The following TRPM3 variants were observed in gnomAD, a reference collection of about 807,000 sequenced individuals.
TRPM3 encodes transient receptor potential cation channel subfamily M member 3.
In TRPM3, 77 loss-of-function variants were observed where a neutral mutation model predicts 181.2. The observed-to-expected ratio is 0.42, with a 90% confidence interval of 0.35 to 0.51. The LOEUF is 0.51. Ranked by LOEUF, TRPM3 falls within the 20% of genes least tolerant of loss-of-function variation. The pLI, the probability that TRPM3 is intolerant of heterozygous loss-of-function variation, is 0.01. For missense variants in TRPM3, 1,759 were observed against 2,196.7 expected (o/e 0.80, Z 3.98); for synonymous variants, 745 against 796.4 (o/e 0.94, Z 1.09).
chr9:70,863,584 T>A (rs2095573046), intron 2 of TRPM3, among the ~76,000 whole-genome samples: 1 of 152,190 alleles, frequency 6.6e-6, no homozygotes, highest in Non-Finnish European at 1.5e-5. Flanking sequence ...AATTGACATT[T>A]GCTGTCAAAT....
At chr9:71,125,937 C>T (rs535451188), upstream of TRPM3, among the ~76,000 whole-genome samples, 26 of 152,206 alleles carry the variant, frequency 1.7e-4, no homozygotes, top group East Asian at 1.7e-3. Flanking sequence ...AACAGACAAC[C>T]TACAGAATGG....
intron 5 of TRPM3, among the ~76,000 whole-genome samples, chr9:70,839,908 T>A (rs888599592): frequency 1.3e-5 from 2 of 152,156 alleles, no homozygotes; most frequent in African/African-American, 4.8e-5. Flanking sequence ...ATTTTTATTA[T>A]ATAAAATGGA....
intron 1 of TRPM3, among the ~76,000 whole-genome samples, chr9:71,079,944 G>A (rs1372785155): frequency 2.6e-5 from 4 of 152,122 alleles, no homozygotes; most frequent in African/African-American, 7.2e-5. Context: ...GCCAAGGCGG[G>A]CAGATCACCT....
chr9:71,284,572 G>A (rs2085121022), intron 1 of TRPM3, among the ~76,000 whole-genome samples: 2 of 152,124 alleles, frequency 1.3e-5, no homozygotes, highest in African/African-American at 4.8e-5. Flanking sequence ...AAGTGGTGAG[G>A]TCACACATTT....
chr9:70,635,300 C>T (rs751175984), intron 11 of TRPM3, 39 bp from the exon 12 acceptor site: 15 of 1,598,576 alleles, frequency 9.4e-6, no homozygotes, highest in African/African-American at 1.3e-5. Context: ...TTTTGCTAGT[C>T]AGGGGCTCTG....
chr9:70,980,712 C>T (rs1368639736), intron 1 of TRPM3, among the ~76,000 whole-genome samples: 3 of 152,208 alleles, frequency 2.0e-5, no homozygotes, highest in Non-Finnish European at 4.4e-5. Context: ...CCAACACATA[C>T]TGTCTTTAAC....
At chr9:70,905,744 C>CTT (rs35625466) in intron 1 of TRPM3, among the ~76,000 whole-genome samples, 11 of 146,506 alleles carry the variant, frequency 7.5e-5, no homozygotes, top group Admixed American at 6.9e-5. Flanking sequence ...AAAGTCGTTT[C>CTT]TTTTTTTTTT....
chr9:70,995,995 T>C (rs865889786), intron 1 of TRPM3, among the ~76,000 whole-genome samples: 10 of 152,282 alleles, frequency 6.6e-5, no homozygotes, highest in Middle Eastern at 3.4e-3. Flanking sequence ...ATTTTTGAAA[T>C]TGGCTTGGGT....
At chr9:70,863,196 T>G in intron 2 of TRPM3, 84 bp from the exon 3 acceptor site, 23 of 1,185,528 alleles carry the variant, frequency 1.9e-5, no homozygotes, top group Non-Finnish European at 2.4e-5. Context: ...GAGAAATCTA[T>G]AGTCTGTGCC....
intron 1 of TRPM3, among the ~76,000 whole-genome samples, chr9:71,133,326 C>CTTTT (rs1313411430): frequency 2.1e-5 from 1 of 47,420 alleles, no homozygotes; most frequent in African/African-American, 6.6e-5. Context: ...CAGAGTTTTG[C>CTTTT]TCTTGTTGCC....
At chr9:70,554,708 T>G (rs2047239012) in intron 22 of TRPM3, among the ~76,000 whole-genome samples, 1 of 152,060 alleles carries the variant, frequency 6.6e-6, no homozygotes, top group African/African-American at 2.4e-5. Context: ...GCTGGAAAAA[T>G]TATGTAATTT....
rs565194138 is a variant in TRPM3, at chr9:70,618,515, A to G, written c.2358+352T>C. Among the ~76,000 whole-genome samples, 877 of 152,336 alleles carry G rather than the reference A, an allele frequency of 5.8e-3. 8 individuals are homozygous for G. The highest frequency in any genetic ancestry group is 0.019 in the African/African-American group (793 of 41,586). On this transcript the variant is annotated intron_variant, in intron 17 of 25. Coordinates refer to ENST00000677713, the MANE Select transcript of TRPM3 (RefSeq NM_001366145.2). ...GGCCAGGGGTTCAGGCACCCTCTGC[A>G]GCGACAAGGTGGCCTAGGTGGGGAC...
intron 6 of TRPM3, among the ~76,000 whole-genome samples, chr9:70,796,196 T>C (rs1321121326): frequency 6.6e-6 from 1 of 152,174 alleles, no homozygotes; most frequent in Non-Finnish European, 1.5e-5. Context: ...CCATAGCCCA[T>C]ACAAGTTCCT....
At chr9:71,237,598 T>C (rs939691527) in intron 1 of TRPM3, among the ~76,000 whole-genome samples, 15 of 152,138 alleles carry the variant, frequency 9.9e-5, no homozygotes, top group African/African-American at 3.4e-4. Flanking sequence ...CCATTTTCAA[T>C]ATAATTATTA....
At chr9:71,115,576 G>A (rs1017233314) in intron 1 of TRPM3, among the ~76,000 whole-genome samples, 5 of 152,180 alleles carry the variant, frequency 3.3e-5, no homozygotes, top group African/African-American at 9.7e-5. Context: ...GTGTGGAACC[G>A]CTGCTGGGTA....
chr9:70,612,284 G>A (rs2062111464), intron 18 of TRPM3, among the ~76,000 whole-genome samples: 1 of 152,164 alleles, frequency 6.6e-6, no homozygotes, highest in African/African-American at 2.4e-5. Flanking sequence ...CACAAAGTTT[G>A]GAGATTTTTA....
At chr9:71,350,257 T>C (rs1368456994) in intron 1 of TRPM3, among the ~76,000 whole-genome samples, 2 of 152,168 alleles carry the variant, frequency 1.3e-5, no homozygotes, top group African/African-American at 4.8e-5. Flanking sequence ...AGGTATTTCA[T>C]GTCAAGTACT....
In TRPM3 at chr9:70,620,084, G is replaced by C; in HGVS notation, c.2121C>G (p.His707Gln). The C allele has an allele frequency of 1.2e-6, 2 of 1,603,900 alleles. No individual in the cohort carries two copies. The highest frequency in any genetic ancestry group is 8.5e-7 in the Non-Finnish European group (1 of 1,172,062). Residue 707 changes from histidine to glutamine, a missense_variant, in exon 16 of 26, where the codon CAC becomes CAG. This residue lies in a region of TRPM3 where 737 missense variants were observed against 957.4 expected (regional missense o/e 0.77). Coordinates refer to ENST00000677713, the MANE Select transcript of TRPM3 (RefSeq NM_001366145.2). The part of the protein sequence containing the change: ...MVDDISQELN[H>Q]NSRDFGQLAV... ...TTGCTGGGCGGACCCACCTGGAATTGTGATTCAGCTCCTGGGAAATGTCGT... is the reference window on the plus strand; with the variant it reads ...TTGCTGGGCGGACCCACCTGGAATTCTGATTCAGCTCCTGGGAAATGTCGT...
rs148760443 is a variant in TRPM3 at position 70,799,789 on chromosome 9, G to C, written c.974-15510C>G. On this transcript the variant is annotated intron_variant, in intron 6 of 25. Coordinates refer to ENST00000677713, the MANE Select transcript of TRPM3 (RefSeq NM_001366145.2). ...ACAGACCCATCTTTCTTCTCTGGTG[G>C]GGTTTCTTGGAGCTGAGGCAGGCCA... Among the ~76,000 whole-genome samples, 324 of 152,184 alleles carry C rather than the reference G, an allele frequency of 2.1e-3. 10 individuals carry two copies. In the East Asian group the frequency reaches 0.042, roughly 20 times the overall value.
Sources: gnomAD v4.1 joint callset for allele counts (sites outside exome capture counted in the v4.1 genomes callset) on GRCh38, gnomAD v4.1.1 for gene constraint, gnomAD v4.1.1 regional missense constraint, MANE v1.5 for transcripts, NCBI Gene and HGNC (gene_info 2026-07-23, HGNC 2026-07-21) for gene names.